RGL1: variants seen among roughly 807,000 people sequenced by gnomAD.
RGL1 encodes ral guanine nucleotide dissociation stimulator-like 1.
In RGL1, 24 loss-of-function variants were observed where a neutral mutation model predicts 95.2. The observed-to-expected ratio is 0.25, with a 90% CI of 0.18 to 0.35. The LOEUF (loss-of-function observed/expected upper bound fraction) is 0.35, where lower values mean the gene tolerates loss of function less well. Among genes scored for constraint, RGL1 ranks in the 10% least tolerant of loss-of-function variants. The pLI is 1.00. For missense variants in RGL1, 715 were observed against 936.3 expected, an observed-to-expected ratio of 0.76 and a Z score of 3.08; for synonymous variants, 329 against 344.9, an observed-to-expected ratio of 0.95 and a Z score of 0.51.
Position 183,704,747 on chromosome 1 carries a change from C to T in RGL1, c.-32-37379C>T, listed in dbSNP as rs563888610. 7.2e-5 allele frequency among the ~76,000 whole-genome samples: 11 copies of T among 152,152 alleles called. No homozygotes were observed. The East Asian group carries it at 2.1e-3, about 29-fold the overall frequency. On this transcript the variant is annotated intron_variant, in intron 1 of 18. Coordinates refer to the RGL1 transcript ENST00000304685. The stretch of plus-strand genomic sequence containing the variant: ...GCATAGAGTTGGAGGAGCTGTTGGG[C>T]AGAGATGAGACTTAGTACACTGCAG...
chr1:183,890,646 A>G lies in RGL1; in HGVS notation c.1056-1431A>G, dbSNP rs1259099585. 2.6e-5 allele frequency among the ~76,000 whole-genome samples: 4 copies of G among 152,182 alleles called. No homozygotes were observed. The East Asian group carries it at 7.7e-4, about 29-fold the overall frequency. On this transcript the variant is annotated intron_variant, in intron 8 of 17. Transcript: ENST00000360851. ...TTTGCAGGCATAAAAGGAGTGTAGTACTGATACATGGTGTAACATGAAGGA... is the reference window on the plus strand; with the variant it reads ...TTTGCAGGCATAAAAGGAGTGTAGTGCTGATACATGGTGTAACATGAAGGA...
intron 5 of RGL1, among the ~76,000 whole-genome samples, chr1:183,881,981 G>A (rs1471090475): frequency 6.6e-6 from 1 of 152,204 alleles, no homozygotes; most frequent in Non-Finnish European, 1.5e-5. Context: ...TTGGGGAACC[G>A]GTGGGACCAG....
intron 2 of RGL1, among the ~76,000 whole-genome samples, chr1:183,843,646 G>T (rs1448806839): frequency 6.6e-6 from 1 of 152,148 alleles, no homozygotes; most frequent in Non-Finnish European, 1.5e-5. Context: ...TTAAAGTAGA[G>T]TTTCCATTGT....
intron 8 of RGL1, among the ~76,000 whole-genome samples, chr1:183,891,357 C>T (rs1667405224): frequency 6.6e-6 from 1 of 152,144 alleles, no homozygotes; most frequent in African/African-American, 2.4e-5. Context: ...AGGGGCAGAG[C>T]AGATGCTTTG....
At chr1:183,893,440 C>T (rs1373133283) in intron 9 of RGL1, among the ~76,000 whole-genome samples, 1 of 152,018 alleles carries the variant, frequency 6.6e-6, no homozygotes, top group African/African-American at 2.4e-5. Context: ...ATTTGGTGAG[C>T]TATATTCATG....
chr1:183,856,001 T>C lies in RGL1; in HGVS notation c.347+8227T>C, dbSNP rs138203479. Among the ~76,000 whole-genome samples the C allele has an allele frequency of 2.6e-5, 4 of 152,252 alleles. No homozygotes were observed. The East Asian group carries it at 7.7e-4, about 29-fold the overall frequency. ...TTTTGTGCCTCCCCCAACCCACCCA[T>C]GCATGAAACAGTTGAGATTTAGTGG... On this transcript the variant is annotated intron_variant, in intron 3 of 17. Transcript: ENST00000360851.
chr1:183,918,561 G>T (rs967182660), intron 16 of RGL1, among the ~76,000 whole-genome samples: 7 of 152,166 alleles, frequency 4.6e-5, no homozygotes, highest in Non-Finnish European at 8.8e-5. Flanking sequence ...TGCTCAGTCT[G>T]GGGGGAACTG....
chr1:183,664,529 A>G (rs78209243), intron 1 of RGL1, among the ~76,000 whole-genome samples: 12,340 of 151,480 alleles, frequency 0.081, 994 homozygotes, highest in African/African-American at 0.21. Flanking sequence ...GGCAGAGCTG[A>G]GATTTAAACC....
Position 183,927,169 on chromosome 1 carries a change from T to C in RGL1, c.*877T>C, listed in dbSNP as rs1156269462. 1 of 152,642 alleles carries C rather than the reference T, an allele frequency of 6.6e-6. No individual in the cohort carries two copies. Among genetic ancestry groups the C allele is most frequent in the Non-Finnish European group, 1.5e-5 (1 of 68,038 alleles). 9.5% of individuals were successfully genotyped at this position (152,642 alleles called of 1,614,324 possible). A position where few individuals can be genotyped will look rare whatever the true frequency, so the allele number is the denominator to read the frequency against. On this transcript the variant is annotated 3_prime_UTR_variant, in exon 18 of 18. Transcript: ENST00000360851. ...CAGAAAAGAAAGCGCAAAAGAATGG[T>C]GACTCATTTGGACTCTTATCTGTCT...
chr1:183,763,879 T>C (rs892616036), intron 2 of RGL1, among the ~76,000 whole-genome samples: 17 of 152,202 alleles, frequency 1.1e-4, no homozygotes, highest in Non-Finnish European at 1.2e-4. Context: ...TAGTTGCTTT[T>C]GACTCCTGCT....
chr1:183,923,821 G>C (rs1200228425), intron 17 of RGL1, among the ~76,000 whole-genome samples: 2 of 152,162 alleles, frequency 1.3e-5, no homozygotes, highest in East Asian at 3.8e-4. Context: ...GAGCCTTTGT[G>C]CACAGAATGT....
chr1:183,701,009 C>T (rs574502771), intron 1 of RGL1, among the ~76,000 whole-genome samples: 2 of 152,232 alleles, frequency 1.3e-5, no homozygotes, highest in East Asian at 3.9e-4. Flanking sequence ...TGTGGTGTTT[C>T]GTTTTCTGTT....
At chr1:183,670,156 C>T (rs1374658401) in intron 1 of RGL1, among the ~76,000 whole-genome samples, 1 of 152,206 alleles carries the variant, frequency 6.6e-6, no homozygotes. Context: ...CATCTCCCCA[C>T]TCCCACTCCC....
intron 1 of RGL1, among the ~76,000 whole-genome samples, chr1:183,694,398 T>C (rs1006116957): frequency 1.3e-5 from 2 of 152,236 alleles, no homozygotes; most frequent in Non-Finnish European, 2.9e-5. Context: ...CCCATATTCT[T>C]TACATTAAAC....
intron 14 of RGL1, among the ~76,000 whole-genome samples, chr1:183,910,587 C>T (rs552464974): frequency 6.6e-6 from 1 of 152,326 alleles, no homozygotes; most frequent in East Asian, 1.9e-4. Flanking sequence ...GGAACTCCTC[C>T]TACACATACC....
chr1:183,813,610 A>G (rs1340658470), intron 2 of RGL1, among the ~76,000 whole-genome samples: 1 of 152,208 alleles, frequency 6.6e-6, no homozygotes, highest in African/African-American at 2.4e-5. Flanking sequence ...CTGCAGGACT[A>G]TGATTACAGA....
chr1:183,677,333 TG>T (rs1272718180), intron 1 of RGL1, among the ~76,000 whole-genome samples: 1 of 151,896 alleles, frequency 6.6e-6, no homozygotes. Context: ...AAGTTTCACC[TG>T]AGCCCGCTGC....
intron 1 of RGL1, among the ~76,000 whole-genome samples, chr1:183,697,727 G>A (rs980654471): frequency 6.6e-6 from 1 of 152,184 alleles, no homozygotes; most frequent in Non-Finnish European, 1.5e-5. Context: ...ATTTTTAGTT[G>A]CGTGCTGGTA....
intron 1 of RGL1, among the ~76,000 whole-genome samples, chr1:183,679,807 G>T (rs2102073610): frequency 6.6e-6 from 1 of 152,252 alleles, no homozygotes; most frequent in African/African-American, 2.4e-5. Flanking sequence ...TTCCACAATG[G>T]TTGAACTAAT....
Sources: allele counts gnomAD v4.1 joint callset (sites outside exome capture counted in the v4.1 genomes callset), GRCh38; gene constraint gnomAD v4.1.1; transcripts MANE v1.5; gene names NCBI Gene and HGNC (gene_info 2026-07-23, HGNC 2026-07-21).